SUGCT: variants seen among roughly 807,000 people sequenced by gnomAD.
SUGCT encodes the protein succinyl-CoA:glutarate CoA-transferase.
Under a neutral mutation model 55.0 loss-of-function variants are expected in SUGCT, and 41 were observed. That is an observed-to-expected ratio of 0.74 (90% CI 0.58 to 0.97). The LOEUF (loss-of-function observed/expected upper bound fraction) is 0.97. Ranked by LOEUF, SUGCT falls within the 50% of genes least tolerant of loss-of-function variation. The pLI, the probability that SUGCT is intolerant of heterozygous loss-of-function variation, is 0.00. For missense variants in SUGCT, 568 were observed against 547.8 expected, an observed-to-expected ratio of 1.04 and a Z score of -0.37; for synonymous variants, 187 against 200.4, an observed-to-expected ratio of 0.93 and a Z score of 0.56.
chr7:40,490,076 C>G (rs1205260406), intron 11 of SUGCT, among the ~76,000 whole-genome samples: 4 of 152,194 alleles, frequency 2.6e-5, no homozygotes, highest in African/African-American at 4.8e-5. Context: ...CAGTGCCACC[C>G]AGGCTTGAGT....
At chr7:40,617,623 T>A (rs1414770766) in intron 12 of SUGCT, among the ~76,000 whole-genome samples, 1 of 152,120 alleles carries the variant, frequency 6.6e-6, no homozygotes, top group African/African-American at 2.4e-5. Flanking sequence ...CTTACTGGGA[T>A]TAAAAAGTGA....
chr7:40,870,773 C>G, the SUGCT span, among the ~76,000 whole-genome samples: 620 of 152,192 alleles, frequency 4.1e-3, 1 homozygote, highest in Middle Eastern at 0.014. Flanking sequence ...TGCCCGTTCT[C>G]CATTTGTTTA....
intron 12 of SUGCT, among the ~76,000 whole-genome samples, chr7:40,609,569 AAAAG>A (rs1014123746): frequency 9.2e-5 from 14 of 151,952 alleles, no homozygotes; most frequent in Non-Finnish European, 5.9e-5. Flanking sequence ...AAAAAAAAGA[AAAAG>A]AAATGTGATT....
intron 9 of SUGCT, 47 bp from the exon 10 acceptor site, chr7:40,449,238 GTC>G (rs750877011): frequency 7.7e-6 from 10 of 1,297,264 alleles, no homozygotes; most frequent in Non-Finnish European, 1.1e-5. Context: ...AACTTTTGTG[GTC>G]TTGTCAACAT....
intron 8 of SUGCT, among the ~76,000 whole-genome samples, chr7:40,282,299 C>G (rs554794080): frequency 3.9e-5 from 6 of 151,980 alleles, no homozygotes; most frequent in Non-Finnish European, 7.4e-5. Context: ...GAAACTCCAT[C>G]TCTACTAAAA....
At chr7:40,902,703 A>G in the SUGCT span, among the ~76,000 whole-genome samples, 1 of 152,156 alleles carries the variant, frequency 6.6e-6, no homozygotes, top group Admixed American at 6.6e-5. Context: ...CTTAATATAA[A>G]TGAAATCATA....
At chr7:41,013,870 ATAT>A in the SUGCT span, among the ~76,000 whole-genome samples, 1 of 151,928 alleles carries the variant, frequency 6.6e-6, no homozygotes, top group African/African-American at 2.4e-5. Context: ...ACTGGAGTAG[ATAT>A]TATATGAAAT....
At chr7:40,145,286 A>G (rs1056714635) in intron 1 of SUGCT, among the ~76,000 whole-genome samples, 6 of 152,212 alleles carry the variant, frequency 3.9e-5, no homozygotes, top group Admixed American at 6.5e-5. Flanking sequence ...TGTTTCTTCA[A>G]TAGTTTTACA....
chr7:40,833,456 C>T (rs925145846), intron 13 of SUGCT, among the ~76,000 whole-genome samples: 11 of 152,210 alleles, frequency 7.2e-5, no homozygotes, highest in African/African-American at 2.7e-4. Context: ...AGTGCCTTGC[C>T]ATTTCAACAT....
At chr7:40,593,769 G>A (rs1028561497) in intron 12 of SUGCT, among the ~76,000 whole-genome samples, 1 of 152,132 alleles carries the variant, frequency 6.6e-6, no homozygotes, top group African/African-American at 2.4e-5. Flanking sequence ...AGCCTGGGAC[G>A]TGGAGGTTGC....
intron 5 of SUGCT, among the ~76,000 whole-genome samples, chr7:40,191,971 G>A (rs1785938102): frequency 6.6e-6 from 1 of 152,058 alleles, no homozygotes; most frequent in South Asian, 2.1e-4. Context: ...AGCTGGGCGT[G>A]TTGGTGCGTG....
chr7:40,325,898 C>CTTTTTTTTTTTTTTTT (rs71560191), intron 9 of SUGCT, among the ~76,000 whole-genome samples: 2 of 122,176 alleles, frequency 1.6e-5, no homozygotes, highest in Non-Finnish European at 3.3e-5. Context: ...GGATGTGCGT[C>CTTTTTTTTTTTTTTTT]TTTTTTTTTT....
intron 9 of SUGCT, among the ~76,000 whole-genome samples, chr7:40,389,469 A>ACAAACAAACAAACAAAG (rs10660450): frequency 6.7e-4 from 100 of 148,514 alleles, no homozygotes; most frequent in Middle Eastern, 6.9e-3. Flanking sequence ...AAACAAACAA[A>ACAAACAAACAAACAAAG]CAAGCAAAAA....
chr7:40,588,268 C>T (rs1267421287), intron 12 of SUGCT, among the ~76,000 whole-genome samples: 1 of 150,762 alleles, frequency 6.6e-6, no homozygotes, highest in East Asian at 1.9e-4. Flanking sequence ...TTTTAGGGTA[C>T]ATGTGCACAT....
the SUGCT span, among the ~76,000 whole-genome samples, chr7:40,933,264 A>C: frequency 1.3e-5 from 2 of 152,080 alleles, no homozygotes; most frequent in African/African-American, 4.8e-5. Context: ...ATTGGTCCCC[A>C]CCCTCTTCTG....
chr7:40,988,137 C>T, the SUGCT span, among the ~76,000 whole-genome samples: 1 of 151,088 alleles, frequency 6.6e-6, no homozygotes, highest in East Asian at 1.9e-4. Flanking sequence ...AGGGTTTATT[C>T]GTCTTTTGTA....
At chr7:40,736,855 A>G (rs1394792826) in intron 12 of SUGCT, among the ~76,000 whole-genome samples, 2 of 152,212 alleles carry the variant, frequency 1.3e-5, no homozygotes, top group African/African-American at 2.4e-5. Context: ...ACAGATGAGT[A>G]AGGAAATTCT....
chr7:40,201,872 T>C (rs557393838), intron 6 of SUGCT, among the ~76,000 whole-genome samples: 1 of 152,316 alleles, frequency 6.6e-6, no homozygotes, highest in East Asian at 1.9e-4. Flanking sequence ...GATGCTTTCT[T>C]CTCTCCCAGC....
intron 13 of SUGCT, among the ~76,000 whole-genome samples, chr7:40,796,473 GAGA>G (rs953097432): frequency 9.9e-5 from 15 of 152,282 alleles, no homozygotes; most frequent in African/African-American, 3.6e-4. Context: ...GGAGAAGGAA[GAGA>G]AGAAGGAGGA....
Sources: gnomAD v4.1 joint callset for allele counts (sites outside exome capture counted in the v4.1 genomes callset) on GRCh38, gnomAD v4.1.1 for gene constraint, MANE v1.5 for transcripts, NCBI Gene and HGNC (gene_info 2026-07-23, HGNC 2026-07-21) for gene names.